Variants in LIPK observed in about 807,000 individuals in gnomAD.
LIPK encodes lipase member K.
In LIPK, 32 loss-of-function variants were observed where a neutral mutation model predicts 48.6. That is an observed-to-expected ratio of 0.66 (90% CI 0.50 to 0.88). The LOEUF (loss-of-function observed/expected upper bound fraction) is 0.88, where lower values mean the gene tolerates loss of function less well. Among genes scored for constraint, LIPK ranks in the 40% least tolerant of loss-of-function variants. LIPK has a pLI of 0.00. For synonymous variants in LIPK, 164 were observed against 157.4 expected (o/e 1.04, Z -0.32); for missense variants, 507 against 478.5 (o/e 1.06, Z -0.56).
At chr10:88,739,875 A>G in intron 7 of LIPK, 121 bp from the exon 8 acceptor site, 1 of 571,112 alleles carries the variant, frequency 1.8e-6, no homozygotes, top group Non-Finnish European at 2.9e-6. Context: ...ATAAAAATAA[A>G]AATAAAAAAA....
At chr10:88,737,880 CT>C (rs528667252) in intron 7 of LIPK, 99 bp downstream of exon 7, 31 of 1,329,884 alleles carry the variant, frequency 2.3e-5, no homozygotes, top group Non-Finnish European at 3.1e-5. Context: ...TCAAGGTTTC[CT>C]TTTTGCATTT....
rs753349362 is a variant in LIPK at position 88,729,257 on chromosome 10, G to GTC, written c.224-1726_224-1725insTC. Among the ~76,000 whole-genome samples the GTC allele has an allele frequency of 2.1e-4, 6 of 28,786 alleles. No homozygotes were observed. In the South Asian group the frequency reaches 4.8e-3, roughly 23 times the overall value. 18.9% of individuals were successfully genotyped at this position (28,786 alleles called of 152,430 possible). A position where few individuals can be genotyped will look rare whatever the true frequency, so the allele number is the denominator to read the frequency against. On this transcript the variant is annotated intron_variant, in intron 3 of 9. Transcript: ENST00000404190. ...CAATGCAGGTGGCTATCTGTTGGGG[G>GTC]GGGGGGGCGGGGGAAGAGCAATTCA...
At chr10:88,728,547 T>C (rs1275019376) in intron 3 of LIPK, 10 of 395,414 alleles carry the variant, frequency 2.5e-5, no homozygotes, top group Admixed American at 2.3e-4. Context: ...GGCCGCCCTA[T>C]AGCGGACCAA....
chr10:88,707,347 T>G (rs528873584), intron 1 of LIPK, among the ~76,000 whole-genome samples: 1 of 152,246 alleles, frequency 6.6e-6, no homozygotes, highest in East Asian at 1.9e-4. Context: ...CTATCCTGTC[T>G]CTCCCTTACT....
rs775737000 is a variant in LIPK at position 88,731,095 on chromosome 10, C to G, written c.336C>G (p.Asp112Glu). The change falls in exon 4 of 10, where the codon GAC becomes GAG. Residue 112 changes from aspartate to glutamate, a missense_variant. Transcript: ENST00000404190. ...TCCTTCTGGCAGATAGTGGTTATGACGTGTGGTTGGGGAACAGCCGAGGAA... is the reference window on the plus strand; with the variant it reads ...TCCTTCTGGCAGATAGTGGTTATGAGGTGTGGTTGGGGAACAGCCGAGGAA... ...LAFLLADSGY[D>E]VWLGNSRGNT... 1.2e-6 allele frequency: 2 copies of G among 1,606,870 alleles called. No homozygotes were observed. Among genetic ancestry groups the G allele is most frequent in the African/African-American group, 2.7e-5 (2 of 74,774 alleles).
intron 1 of LIPK, among the ~76,000 whole-genome samples, chr10:88,717,275 AG>A (rs1284488064): frequency 6.6e-6 from 1 of 152,224 alleles, no homozygotes; most frequent in East Asian, 1.9e-4. Flanking sequence ...TGTAAAGGAA[AG>A]GTTCGTCTTG....
At chr10:88,711,833 C>T (rs921841565) in intron 1 of LIPK, among the ~76,000 whole-genome samples, 2 of 151,622 alleles carry the variant, frequency 1.3e-5, no homozygotes, top group Admixed American at 1.3e-4. Context: ...ATTTTTTAAT[C>T]TTTTTTTTGC....
intron 9 of LIPK, among the ~76,000 whole-genome samples, chr10:88,752,159 A>G (rs1842874047): frequency 6.6e-6 from 1 of 152,152 alleles, no homozygotes; most frequent in Non-Finnish European, 1.5e-5. Flanking sequence ...GACTAAGAGA[A>G]GGGATATTTA....
chr10:88,746,883 T>G (rs2776657), intron 9 of LIPK, among the ~76,000 whole-genome samples: 36,479 of 151,888 alleles, frequency 0.24, 4,538 homozygotes, highest in East Asian at 0.37. Context: ...GACTAATAAA[T>G]AATAAAGAGA....
At chr10:88,748,213 A>G (rs964229089) in intron 9 of LIPK, among the ~76,000 whole-genome samples, 3 of 152,126 alleles carry the variant, frequency 2.0e-5, no homozygotes, top group African/African-American at 7.2e-5. Context: ...GAGTTGAACA[A>G]TGAGAACACA....
intron 9 of LIPK, among the ~76,000 whole-genome samples, chr10:88,746,856 T>A (rs1590162132): frequency 6.6e-6 from 1 of 152,130 alleles, no homozygotes; most frequent in East Asian, 1.9e-4. Flanking sequence ...TAAATAAAAT[T>A]GATAGACTGC....
chr10:88,743,118 T>A (rs1034233877), intron 8 of LIPK, 132 bp from the exon 9 acceptor site: 4 of 565,820 alleles, frequency 7.1e-6, no homozygotes, highest in Non-Finnish European at 1.3e-5. Flanking sequence ...ATTTTCTTAA[T>A]CTTTATTGAA....
chr10:88,727,986 C>A, intron 3 of LIPK: 1 of 350,552 alleles, frequency 2.9e-6, no homozygotes, highest in Non-Finnish European at 5.6e-6. Context: ...ACACATGGGA[C>A]CAGAAGCTGA....
At chr10:88,720,332 C>A (rs775896428) in intron 1 of LIPK, among the ~76,000 whole-genome samples, 4 of 151,866 alleles carry the variant, frequency 2.6e-5, no homozygotes, top group Non-Finnish European at 4.4e-5. Flanking sequence ...AATTCATGGA[C>A]ACAAAGAGGG....
At chr10:88,736,887 G>T (rs1230597274) in intron 6 of LIPK, among the ~76,000 whole-genome samples, 1 of 152,174 alleles carries the variant, frequency 6.6e-6, no homozygotes, top group African/African-American at 2.4e-5. Context: ...TAGAAGAAAT[G>T]TGTGTTTATT....
At chr10:88,727,059 AAT>A in intron 3 of LIPK, 147 bp downstream of exon 3, 9 of 642,402 alleles carry the variant, frequency 1.4e-5, no homozygotes, top group Non-Finnish European at 2.5e-5. Flanking sequence ...CTCTCTGTTT[AAT>A]TTGTGTAACT....
chr10:88,713,666 C>T (rs768428266), intron 1 of LIPK, among the ~76,000 whole-genome samples: 5 of 152,036 alleles, frequency 3.3e-5, no homozygotes, highest in Admixed American at 6.5e-5. Flanking sequence ...TTAGGCTGGG[C>T]GTGGTGGCTC....
chr10:88,723,491 A>C (rs185905495), intron 1 of LIPK, among the ~76,000 whole-genome samples: 2 of 152,246 alleles, frequency 1.3e-5, no homozygotes. Flanking sequence ...AGTAACTGTA[A>C]AAGGAAGCCC....
At chr10:88,734,539 C>T (rs1842531459) in intron 6 of LIPK, among the ~76,000 whole-genome samples, 1 of 152,128 alleles carries the variant, frequency 6.6e-6, no homozygotes, top group Non-Finnish European at 1.5e-5. Flanking sequence ...GAAATATTTG[C>T]ACAGGGGAAT....
Sources: gnomAD v4.1 joint callset for allele counts (sites outside exome capture counted in the v4.1 genomes callset) on GRCh38, gnomAD v4.1.1 for gene constraint, MANE v1.5 for transcripts, NCBI Gene and HGNC (gene_info 2026-07-23, HGNC 2026-07-21) for gene names.